Variants in MTHFD1 observed in about 807,000 individuals in gnomAD.
The protein encoded by MTHFD1 is C-1-tetrahydrofolate synthase, cytoplasmic.
In MTHFD1, 44 loss-of-function variants were observed where a neutral mutation model predicts 110.3. The ratio of observed to expected loss-of-function variants is 0.40; its 90% CI spans 0.31 to 0.51. The LOEUF (loss-of-function observed/expected upper bound fraction) is 0.51. Among genes scored for constraint, MTHFD1 ranks in the 20% least tolerant of loss-of-function variants. The pLI is 0.60. For synonymous variants in MTHFD1, 402 were observed against 428.8 expected, an observed-to-expected ratio of 0.94 and a Z score of 0.77; for missense variants, 909 against 1,173.1, an observed-to-expected ratio of 0.77 and a Z score of 3.29.
At chr14:64,418,618 G>A (rs530604480) in intron 7 of MTHFD1, among the ~76,000 whole-genome samples, 39 of 151,412 alleles carry the variant, frequency 2.6e-4, no homozygotes, top group African/African-American at 7.8e-4. Context: ...GTGCAATGGC[G>A]CAATCTCAGC....
chr14:64,448,142 G>C (rs905438039), intron 22 of MTHFD1, 75 bp from the exon 23 acceptor site: 1 of 1,064,890 alleles, frequency 9.4e-7, no homozygotes, highest in African/African-American at 1.6e-5. Context: ...CAAGGAGGTT[G>C]TTTGCCTTTG....
At chr14:64,401,020 C>T (rs552828667) in intron 2 of MTHFD1, 143 bp downstream of exon 2, 1 of 692,344 alleles carries the variant, frequency 1.4e-6, no homozygotes, top group Non-Finnish European at 2.6e-6. Flanking sequence ...AGGCTCCCCC[C>T]TTTGGCTCAG....
At chr14:64,402,168 T>C (rs535023728) in intron 2 of MTHFD1, among the ~76,000 whole-genome samples, 8 of 152,378 alleles carry the variant, frequency 5.3e-5, no homozygotes, top group Non-Finnish European at 7.3e-5. Context: ...TTGCACACTT[T>C]GTTACATCAA....
At chr14:64,459,701 C>A in intron 27 of MTHFD1, 58 bp from the exon 28 acceptor site, 1 of 1,391,942 alleles carries the variant, frequency 7.2e-7, no homozygotes, top group Non-Finnish European at 9.5e-7. Flanking sequence ...ATGGAAGGAA[C>A]AGGAAACATT....
At chr14:64,451,470 C>T (rs1409356244) in intron 24 of MTHFD1, among the ~76,000 whole-genome samples, 2 of 152,244 alleles carry the variant, frequency 1.3e-5, no homozygotes, top group Non-Finnish European at 2.9e-5. Flanking sequence ...TTAACATTGA[C>T]ATTGACATTC....
chr14:64,410,964 TA>T, intron 2 of MTHFD1, 125 bp from the exon 3 acceptor site: 1 of 741,448 alleles, frequency 1.3e-6, no homozygotes, highest in African/African-American at 1.7e-5. Context: ...TATACTCCTG[TA>T]AAAGTTCTCT....
intron 22 of MTHFD1, 127 bp from the exon 23 acceptor site, chr14:64,448,090 C>G: frequency 1.4e-6 from 1 of 733,956 alleles, no homozygotes; most frequent in Non-Finnish European, 2.4e-6. Flanking sequence ...CTTCTCTCTT[C>G]TTTCTTGGCC....
chr14:64,456,775 T>G (rs967304159), intron 26 of MTHFD1, among the ~76,000 whole-genome samples: 1 of 152,208 alleles, frequency 6.6e-6, no homozygotes. Flanking sequence ...TGGGGAATAT[T>G]GATTGGTACT....
chr14:64,436,316 A>G (rs113196928), intron 16 of MTHFD1, among the ~76,000 whole-genome samples: 9,497 of 152,102 alleles, frequency 0.062, 522 homozygotes, highest in African/African-American at 0.16. Context: ...GGATGGTCTC[A>G]ATCTCCTGAC....
chr14:64,392,027 A>G (rs1293854276), intron 1 of MTHFD1, among the ~76,000 whole-genome samples: 1 of 152,244 alleles, frequency 6.6e-6, no homozygotes, highest in Non-Finnish European at 1.5e-5. Context: ...TTTCTGTGGT[A>G]TGGTGGCTGC....
chr14:64,392,503 A>C (rs1386142511), intron 1 of MTHFD1, among the ~76,000 whole-genome samples: 1 of 152,114 alleles, frequency 6.6e-6, no homozygotes, highest in African/African-American at 2.4e-5. Context: ...TTTCTTGATT[A>C]AGTCTCCTTT....
chr14:64,430,442 G>A (rs1344920198), intron 13 of MTHFD1, among the ~76,000 whole-genome samples: 1 of 152,124 alleles, frequency 6.6e-6, no homozygotes, highest in East Asian at 1.9e-4. Context: ...GGGATTACAG[G>A]CATGCACCAC....
chr14:64,435,584 A>C lies in MTHFD1; in HGVS notation c.1510A>C (p.Lys504Gln). 6.2e-7 allele frequency: 1 copy of C among 1,603,928 alleles called. No individual in the cohort carries two copies. Among genetic ancestry groups the C allele is most frequent in the South Asian group, 1.1e-5 (1 of 90,880 alleles). ...ACACTTTCAGAGACTAGGCATTGAAAAGACTGACCCTACCACACTGACAGA... is the reference window on the plus strand; with the variant it reads ...ACACTTTCAGAGACTAGGCATTGAACAGACTGACCCTACCACACTGACAGA... ...IRRLKRLGIE[K>Q]TDPTTLTDEE... is the part of the protein sequence containing the mutation. The change falls in exon 16 of 28, where the codon AAG becomes CAG. Residue 504 changes from lysine (K) to glutamine (Q), a missense_variant. Lys to Gln is a moderately conservative substitution (Grantham distance 53). This residue lies in a region of MTHFD1 where 482 missense variants were observed against 646.0 expected (regional missense o/e 0.75). Coordinates refer to ENST00000652337, the MANE Select transcript of MTHFD1 (RefSeq NM_005956.4).
chr14:64,402,817 A>G (rs1237945719), intron 2 of MTHFD1, among the ~76,000 whole-genome samples: 1 of 143,678 alleles, frequency 7.0e-6, no homozygotes, highest in East Asian at 2.0e-4. Context: ...AAAAAAAAAT[A>G]AAAATAAAAA....
At chr14:64,411,724 AC>A (rs1241254821) in intron 3 of MTHFD1, among the ~76,000 whole-genome samples, 1 of 152,036 alleles carries the variant, frequency 6.6e-6, no homozygotes, top group Admixed American at 6.6e-5. Flanking sequence ...ACATGGAGAA[AC>A]CCCATCTCTA....
Position 64,411,108 on chromosome 14 carries a change from T to G in MTHFD1, c.145T>G (p.Ser49Ala). 6 of 1,612,968 alleles carry G rather than the reference T, an allele frequency of 3.7e-6. No homozygotes were observed. Among genetic ancestry groups the G allele is most frequent in the Non-Finnish European group, 5.1e-6 (6 of 1,179,288 alleles). Residue 49 changes from serine to alanine, a missense_variant, in exon 3 of 28, where the codon TCC becomes GCC. By Grantham distance (99) the Ser-to-Ala change is moderately conservative. Coordinates refer to ENST00000652337, the MANE Select transcript of MTHFD1 (RefSeq NM_005956.4). ...AILQVGNRDD[S>A]NLYINVKLKA... is the part of the protein sequence containing the mutation. ...ATTCTAGGTTGGCAACAGAGATGATTCCAATCTTTATATAAATGTGAAGCT... is the reference window on the plus strand; with the variant it reads ...ATTCTAGGTTGGCAACAGAGATGATGCCAATCTTTATATAAATGTGAAGCT...
At chr14:64,423,348 T>TGTTAA (rs2078090238) in intron 8 of MTHFD1, among the ~76,000 whole-genome samples, 1 of 152,162 alleles carries the variant, frequency 6.6e-6, no homozygotes, top group Non-Finnish European at 1.5e-5. Flanking sequence ...TGATAGGTAG[T>TGTTAA]GTTAAGCCTT....
At chr14:64,432,641 T>C (rs1027352959) in intron 15 of MTHFD1, among the ~76,000 whole-genome samples, 5 of 152,240 alleles carry the variant, frequency 3.3e-5, no homozygotes, top group African/African-American at 1.2e-4. Context: ...ATTTATATGA[T>C]ATTCTCAATA....
At chr14:64,394,896 C>T (rs1410314594) in intron 1 of MTHFD1, among the ~76,000 whole-genome samples, 3 of 152,118 alleles carry the variant, frequency 2.0e-5, no homozygotes. Context: ...CCTTACCTTC[C>T]CCATTCTTTC....
Sources: allele counts gnomAD v4.1 joint callset (sites outside exome capture counted in the v4.1 genomes callset), GRCh38; gene constraint gnomAD v4.1.1; regional missense constraint gnomAD v4.1.1; transcripts MANE v1.5; gene names NCBI Gene and HGNC (gene_info 2026-07-23, HGNC 2026-07-21).